The following MFSD11 variants were observed in gnomAD, a reference collection of about 807,000 sequenced individuals.
MFSD11 encodes the protein major facilitator superfamily domain containing 11.
MFSD11 carries 36 observed loss-of-function variants against 53.5 expected under a neutral mutation model. The observed-to-expected ratio is 0.67, with a 90% CI of 0.52 to 0.89. MFSD11 has a LOEUF of 0.89. Ranked by LOEUF, MFSD11 falls within the 40% of genes least tolerant of loss-of-function variation. The pLI is 0.00. For synonymous variants in MFSD11, 186 were observed against 184.9 expected (o/e 1.01, Z -0.05); for missense variants, 530 against 543.9 (o/e 0.97, Z 0.25).
rs547716370 is a variant in MFSD11, at chr17:76,752,667, G to A, written c.642-1380G>A. ...TGCCTTGGCCTCCCAAAGTGCTGGG[G>A]TTCCAGGCGTGAGCCACCACACCCT... On this transcript the variant is annotated intron_variant, in intron 7 of 12. Coordinates refer to ENST00000685175, the MANE Select transcript of MFSD11 (RefSeq NM_001242532.5). Among the ~76,000 whole-genome samples, 126 of 152,066 alleles carry A rather than the reference G, an allele frequency of 8.3e-4. No homozygotes were observed. In the South Asian group the frequency reaches 0.013, roughly 16 times the overall value.
upstream of MFSD11, chr17:76,736,870 G>A (rs766459684): frequency 1.1e-5 from 18 of 1,610,770 alleles, no homozygotes; most frequent in Non-Finnish European, 1.4e-5. Context: ...TGTGGTGTGA[G>A]TCCGGGGGGC....
chr17:76,748,523 T>TA (rs551075064), intron 7 of MFSD11, among the ~76,000 whole-genome samples: 452 of 140,242 alleles, frequency 3.2e-3, no homozygotes, highest in South Asian at 0.015. Flanking sequence ...AGTCTCTACT[T>TA]AAAAAAAAAA....
chr17:76,796,096 TC>T, the MFSD11 span, among the ~76,000 whole-genome samples: 2 of 152,210 alleles, frequency 1.3e-5, no homozygotes, highest in African/African-American at 4.8e-5. Flanking sequence ...CATACCCTTT[TC>T]TGTAGACACA....
At chr17:76,754,421 G>A (rs765843217) in intron 8 of MFSD11, among the ~76,000 whole-genome samples, 1 of 152,082 alleles carries the variant, frequency 6.6e-6, no homozygotes, top group Non-Finnish European at 1.5e-5. Context: ...AGTGACTCGC[G>A]CCTGTAATCT....
chr17:76,738,480 G>T (rs754043409), intron 1 of MFSD11, 32 bp downstream of exon 1: 8 of 1,493,918 alleles, frequency 5.4e-6, no homozygotes, highest in Admixed American at 5.0e-5. Context: ...CTCCTTTGAA[G>T]TGCCCATCAT....
At chr17:76,782,760 G>A (rs1598818402), downstream of MFSD11, among the ~76,000 whole-genome samples, 1 of 151,840 alleles carries the variant, frequency 6.6e-6, no homozygotes, top group Non-Finnish European at 1.5e-5. Flanking sequence ...TTACAGGCTT[G>A]AGCCCACCAC....
Position 76,742,293 on chromosome 17 carries a change from T to G in MFSD11, c.437+20T>G, listed in dbSNP as rs759167613. On this transcript the variant is annotated intron_variant, in intron 5 of 12. Transcript: ENST00000685175. Reference sequence around the variant, plus strand: ...GTCTAGGTAATTATCCTTTTGAGGTTCAGTCTTTCCTTTTCTTTCTTTTTT... The same window carrying G: ...GTCTAGGTAATTATCCTTTTGAGGTGCAGTCTTTCCTTTTCTTTCTTTTTT... The G allele has an allele frequency of 1.3e-6, 2 of 1,591,676 alleles. No individual in the cohort carries two copies. The highest frequency in any genetic ancestry group is 1.1e-5 in the South Asian group (1 of 89,362).
At chr17:76,777,083 C>G (rs973350029) in intron 12 of MFSD11, among the ~76,000 whole-genome samples, 1 of 152,074 alleles carries the variant, frequency 6.6e-6, no homozygotes, top group Non-Finnish European at 1.5e-5. Flanking sequence ...CTGGCTAACA[C>G]GGTGAAACCC....
At chr17:76,766,305 G>A (rs2080846992) in intron 8 of MFSD11, among the ~76,000 whole-genome samples, 1 of 151,146 alleles carries the variant, frequency 6.6e-6, no homozygotes, top group Non-Finnish European at 1.5e-5. Context: ...TATAATCCCA[G>A]CTACTCAGGA....
the MFSD11 span, among the ~76,000 whole-genome samples, chr17:76,803,307 C>T: frequency 6.6e-6 from 1 of 152,212 alleles, no homozygotes. Context: ...TTATTCATTC[C>T]TGGGCACAGA....
At position 76,743,404 on chromosome 17, in the gene MFSD11, CT is replaced by C. The variant is rs1463801539; in HGVS notation, c.447del (p.Phe149LeufsTer28). On this transcript the variant is annotated frameshift_variant, in exon 6 of 13. Transcript: ENST00000685175. LOFTEE classifies it high-confidence loss of function. ...FWALLQSSLF[F>X]GNLYIYFAWQ... is the part of the protein sequence containing the mutation. ...CTCCCTTTTCTTCCCCCAGCTTGTT[CT>C]TTGGAAATCTCTACATATATTTTGC... The C allele has an allele frequency of 6.3e-7, 1 of 1,581,216 alleles. No homozygotes were observed. The highest frequency in any genetic ancestry group is 1.8e-5 in the Admixed American group (1 of 54,982).
the MFSD11 span, among the ~76,000 whole-genome samples, chr17:76,800,073 A>G: frequency 1.3e-5 from 2 of 148,726 alleles, no homozygotes; most frequent in Non-Finnish European, 3.0e-5. Flanking sequence ...TTCCTGCCTC[A>G]GCCTCCAAAG....
Position 76,776,815 on chromosome 17 carries a change from A to AT in MFSD11, c.1185+284dup, listed in dbSNP as rs61647650. 3.4e-5 allele frequency among the ~76,000 whole-genome samples: 5 copies of AT among 146,966 alleles called. No homozygotes were observed. Among genetic ancestry groups the AT allele is most frequent in the Non-Finnish European group, 6.0e-5 (4 of 66,230 alleles). ...ACCACCATGCCTGGCTAATTTTTGT[A>AT]TTTTTTTTTTCTTTTTAGCAGAGGC... On this transcript the variant is annotated intron_variant, in intron 12 of 12. Coordinates refer to ENST00000685175, the MANE Select transcript of MFSD11 (RefSeq NM_001242532.5). This position sits in a 1 kb window ranked among gnomAD's most constrained non-coding sequence, Gnocchi z 4.2.
intron 2 of MFSD11, among the ~76,000 whole-genome samples, 164 bp from the exon 3 acceptor site, chr17:76,740,791 CTT>C (rs755810840): frequency 1.3e-4 from 20 of 152,000 alleles, no homozygotes; most frequent in Non-Finnish European, 2.6e-4. Flanking sequence ...CAAATGAAAA[CTT>C]TTATATGGTA....
the MFSD11 span, among the ~76,000 whole-genome samples, chr17:76,796,530 G>T: frequency 6.6e-6 from 1 of 152,078 alleles, no homozygotes; most frequent in East Asian, 1.9e-4. Flanking sequence ...CACCAGCTGG[G>T]TGTTCAACAA....
At position 76,755,825 on chromosome 17, in the gene MFSD11, T is replaced by A. The variant is rs1424504145; in HGVS notation, c.682+1738T>A. Among the ~76,000 whole-genome samples the A allele has an allele frequency of 8.6e-3, 642 of 74,660 alleles. 11 individuals carry two copies. Among genetic ancestry groups the A allele is most frequent in the African/African-American group, 0.025 (514 of 20,340 alleles). The allele number at this position is 74,660 out of a possible 152,430, so 49.0% of individuals were successfully genotyped here. On this transcript the variant is annotated intron_variant, in intron 8 of 12. Coordinates refer to ENST00000685175, the MANE Select transcript of MFSD11 (RefSeq NM_001242532.5). ...ATATATATATATATTTTTTTTTTTTTTTTTTTTTTTTTTTTGAGATGGAGT... is the reference window on the plus strand; with the variant it reads ...ATATATATATATATTTTTTTTTTTTATTTTTTTTTTTTTTTGAGATGGAGT...
rs781416107 is a variant in MFSD11, at chr17:76,743,471, C to G, written c.496+15C>G. The G allele has an allele frequency of 2.0e-6, 3 of 1,532,950 alleles. No homozygotes were observed. In the East Asian group the frequency reaches 7.1e-5, roughly 36 times the overall value. The allele number at this position is 1,532,950 out of a possible 1,614,324, so 95.0% of individuals were successfully genotyped here. A position where few individuals can be genotyped will look rare whatever the true frequency, so the allele number is the denominator to read the frequency against. ...TCAGATATCAGGTTTGTTTTATTCG[C>G]GTTGCTTTATTCAGATATGTTCAAA... On this transcript the variant is annotated intron_variant, in intron 6 of 12. Coordinates refer to ENST00000685175, the MANE Select transcript of MFSD11 (RefSeq NM_001242532.5).
At chr17:76,744,997 G>A (rs2078411332) in intron 7 of MFSD11, among the ~76,000 whole-genome samples, 1 of 152,144 alleles carries the variant, frequency 6.6e-6, no homozygotes, top group Non-Finnish European at 1.5e-5. Context: ...CCAAATAGGG[G>A]AATGAGTATA....
intron 8 of MFSD11, among the ~76,000 whole-genome samples, chr17:76,765,701 CAA>C (rs2144725624): frequency 6.6e-6 from 1 of 152,122 alleles, no homozygotes; most frequent in Admixed American, 6.5e-5. Context: ...GCGATTCTCC[CAA>C]GTCAGCCTCC....
Sources: gnomAD v4.1 joint callset for allele counts (sites outside exome capture counted in the v4.1 genomes callset) on GRCh38, gnomAD v4.1.1 for gene constraint, Gnocchi (gnomAD v3.1) non-coding constraint, MANE v1.5 for transcripts, NCBI Gene and HGNC (gene_info 2026-07-23, HGNC 2026-07-21) for gene names.